Variants in CDK14 observed in about 807,000 individuals in gnomAD.
The protein encoded by CDK14 is cyclin dependent kinase 14.
Under a neutral mutation model 60.7 loss-of-function variants are expected in CDK14, and 34 were observed. That is an observed-to-expected ratio of 0.56 (90% CI 0.43 to 0.75). The LOEUF (loss-of-function observed/expected upper bound fraction) is 0.75. CDK14 is among the 30% of genes least tolerant of loss of function. The pLI is 0.00. For synonymous variants in CDK14, 197 were observed against 203.7 expected (o/e 0.97, Z 0.28); for missense variants, 482 against 564.1 (o/e 0.85, Z 1.47).
At chr7:91,013,306 A>G (rs1361435578) in intron 10 of CDK14, among the ~76,000 whole-genome samples, 1 of 151,632 alleles carries the variant, frequency 6.6e-6, no homozygotes, top group Non-Finnish European at 1.5e-5. Context: ...AAACTCATCT[A>G]TTTTCACTTT....
At chr7:91,113,888 A>G (rs1345991921) in intron 13 of CDK14, among the ~76,000 whole-genome samples, 2 of 152,102 alleles carry the variant, frequency 1.3e-5, no homozygotes, top group Non-Finnish European at 2.9e-5. Context: ...ATATTAATCT[A>G]CTACTCCCCT....
intron 2 of CDK14, among the ~76,000 whole-genome samples, chr7:90,666,682 G>A (rs1800985895): frequency 6.6e-6 from 1 of 152,216 alleles, no homozygotes; most frequent in South Asian, 2.1e-4. Flanking sequence ...TGGTTAAGAA[G>A]AGGCGGTATC....
rs1011418206 is a variant in CDK14, at chr7:90,635,622, T to G, written c.123+31373T>G. Among the ~76,000 whole-genome samples, 106 of 152,146 alleles carry G rather than the reference T, an allele frequency of 7.0e-4. 1 individual carries two copies. Among genetic ancestry groups the G allele is most frequent in the Admixed American group, 2.0e-3 (31 of 15,268 alleles). On this transcript the variant is annotated intron_variant, in intron 2 of 14. Coordinates refer to ENST00000380050, the MANE Select transcript of CDK14 (RefSeq NM_001287135.2). ...GGATTGACTTGGCAATGCGGGCTCT[T>G]TTTTGGTTCCATATGAACTTTAAAG...
chr7:91,031,231 A>C (rs1003798711), intron 10 of CDK14, among the ~76,000 whole-genome samples: 2 of 152,184 alleles, frequency 1.3e-5, no homozygotes, highest in African/African-American at 4.8e-5. Context: ...TAAAGGGACA[A>C]TAAGATGATT....
intron 8 of CDK14, among the ~76,000 whole-genome samples, chr7:90,927,201 T>C (rs1793443873): frequency 1.3e-5 from 2 of 152,126 alleles, no homozygotes; most frequent in African/African-American, 4.8e-5. Flanking sequence ...TGGAGGCACA[T>C]TGGTGGAGTT....
intron 4 of CDK14, among the ~76,000 whole-genome samples, chr7:90,758,397 C>A (rs1039840576): frequency 6.6e-6 from 1 of 152,174 alleles, no homozygotes; most frequent in Admixed American, 6.5e-5. Context: ...TTCTAAATTC[C>A]TGTAGCATTT....
At chr7:90,924,808 A>T (rs1472867521) in intron 8 of CDK14, among the ~76,000 whole-genome samples, 1 of 152,070 alleles carries the variant, frequency 6.6e-6, no homozygotes, top group Non-Finnish European at 1.5e-5. Context: ...TTTTTTAAAA[A>T]ACCTGCCATA....
At chr7:90,716,476 C>T (rs960711645) in intron 2 of CDK14, 3 of 152,022 alleles carry the variant, frequency 2.0e-5, no homozygotes, top group Non-Finnish European at 4.4e-5. Flanking sequence ...GATATGATGG[C>T]TAGCAGCAAA....
intron 9 of CDK14, among the ~76,000 whole-genome samples, chr7:90,962,201 G>GT (rs11424781): frequency 0.56 from 85,697 of 152,020 alleles, 24,669 homozygotes; most frequent in East Asian, 0.71. Flanking sequence ...AAAATCTAGT[G>GT]TGGGGCTGGG....
intron 2 of CDK14, among the ~76,000 whole-genome samples, chr7:90,620,543 A>G (rs1029622790): frequency 6.6e-6 from 1 of 152,114 alleles, no homozygotes; most frequent in Admixed American, 6.6e-5. Context: ...GAGGCCATCT[A>G]GTAGTCTCCT....
intron 11 of CDK14, among the ~76,000 whole-genome samples, chr7:91,069,889 C>G (rs1798087202): frequency 6.6e-6 from 1 of 152,126 alleles, no homozygotes; most frequent in Non-Finnish European, 1.5e-5. Flanking sequence ...CTCTACCTTC[C>G]AAACTCAAGG....
chr7:90,867,196 C>G (rs1383371958), intron 6 of CDK14, among the ~76,000 whole-genome samples: 1 of 152,086 alleles, frequency 6.6e-6, no homozygotes, highest in African/African-American at 2.4e-5. Flanking sequence ...TCATAATGGT[C>G]TAAAATATTA....
intron 3 of CDK14, among the ~76,000 whole-genome samples, chr7:90,727,838 G>T (rs1040946562): frequency 6.6e-5 from 10 of 151,866 alleles, no homozygotes; most frequent in Non-Finnish European, 1.2e-4. Context: ...TAGTCATAAG[G>T]CGTCCTTTTC....
chr7:90,870,690 A>G (rs1791343392), intron 6 of CDK14, among the ~76,000 whole-genome samples: 1 of 152,144 alleles, frequency 6.6e-6, no homozygotes, highest in African/African-American at 2.4e-5. Flanking sequence ...GGCAGGTGGT[A>G]TATTCATGGA....
At chr7:90,895,387 T>TCCC in intron 6 of CDK14, among the ~76,000 whole-genome samples, 1 of 6,488 alleles carries the variant, frequency 1.5e-4, no homozygotes, top group African/African-American at 6.3e-4. Flanking sequence ...TCTCCTCTCC[T>TCCC]CTCCTCTCCT....
At chr7:90,937,331 G>C (rs551457270) in intron 8 of CDK14, among the ~76,000 whole-genome samples, 1 of 151,998 alleles carries the variant, frequency 6.6e-6, no homozygotes, top group Admixed American at 6.5e-5. Flanking sequence ...CTTATTTTCA[G>C]ATGTTTTCTT....
chr7:90,669,124 T>C, intron 2 of CDK14, among the ~76,000 whole-genome samples: 1 of 147,586 alleles, frequency 6.8e-6, no homozygotes, highest in East Asian at 1.9e-4. Context: ...CCATCCCATC[T>C]CCTCCTCCTC....
chr7:90,901,457 C>T, intron 7 of CDK14, among the ~76,000 whole-genome samples: 1 of 152,166 alleles, frequency 6.6e-6, no homozygotes, highest in Middle Eastern at 3.4e-3. Context: ...TGATTTACCT[C>T]TTCTTATTTT....
intron 8 of CDK14, among the ~76,000 whole-genome samples, chr7:90,939,056 A>C (rs1465873065): frequency 6.6e-6 from 1 of 152,222 alleles, no homozygotes; most frequent in East Asian, 1.9e-4. Context: ...CCTTTAACAA[A>C]ATATTTAATG....
Sources: allele counts gnomAD v4.1 joint callset (sites outside exome capture counted in the v4.1 genomes callset), GRCh38; gene constraint gnomAD v4.1.1; transcripts MANE v1.5; gene names NCBI Gene and HGNC (gene_info 2026-07-23, HGNC 2026-07-21).